Variants in ANK3 observed in about 807,000 individuals in gnomAD.
ANK3 encodes the protein ankyrin-3.
A neutral mutation model predicts 370.9 loss-of-function variants in ANK3; 57 were observed. That is an observed-to-expected ratio of 0.15 (90% CI 0.12 to 0.19). The LOEUF is 0.19. Ranked by LOEUF, ANK3 falls within the 10% of genes least tolerant of loss-of-function variation. The pLI, the probability that ANK3 is intolerant of heterozygous loss-of-function variation, is 1.00. For missense variants in ANK3, 4,439 were observed against 5,302.1 expected (o/e 0.84, Z 5.06); for synonymous variants, 1,929 against 1,946.3 (o/e 0.99, Z 0.23).
upstream of ANK3, among the ~76,000 whole-genome samples, chr10:60,394,349 T>C (rs2063171838): frequency 6.6e-6 from 1 of 151,290 alleles, no homozygotes; most frequent in Admixed American, 6.6e-5. Flanking sequence ...TAAAAAACTG[T>C]GACTGGATAG....
At chr10:60,211,859 A>G (rs1400035835) in intron 9 of ANK3, among the ~76,000 whole-genome samples, 1 of 140,118 alleles carries the variant, frequency 7.1e-6, no homozygotes, top group Non-Finnish European at 1.5e-5. Context: ...AGGTACAGCC[A>G]TTGTGGGAAG....
chr10:60,545,745 G>A (rs1402175566), intron 2 of ANK3, among the ~76,000 whole-genome samples: 1 of 152,054 alleles, frequency 6.6e-6, no homozygotes, highest in Non-Finnish European at 1.5e-5. Context: ...ATTAAAATCT[G>A]GTTATATGAT....
At chr10:60,335,581 T>C (rs1193951318) in intron 1 of ANK3, among the ~76,000 whole-genome samples, 1 of 152,100 alleles carries the variant, frequency 6.6e-6, no homozygotes, top group Non-Finnish European at 1.5e-5. Context: ...CATCAAACTA[T>C]ATAAACACAG....
chr10:60,161,600 A>T (rs879327191), intron 23 of ANK3, among the ~76,000 whole-genome samples: 4 of 152,152 alleles, frequency 2.6e-5, no homozygotes, highest in Non-Finnish European at 5.9e-5. Flanking sequence ...ACATGGATGG[A>T]ATTGGAGACA....
rs772807894 is a variant in ANK3 at position 60,070,171 on chromosome 10, C to T, written c.10710G>A (p.Ala3570=). ...TTGTTGCTGGAGAGCGGTCTTCTAC[C>T]GCCAGCCCAAATGGCTTAGTTTCAT... is the stretch of plus-strand genomic sequence containing the variant. ...REDETKPFGL[A]VEDRSPATTP... is the part of the protein sequence containing the mutation. Residue 3570 remains alanine, a synonymous_variant, in exon 37 of 44, where the codon GCG becomes GCA. Coordinates refer to ENST00000280772, the MANE Select transcript of ANK3 (RefSeq NM_020987.5). This position sits in a 1 kb window ranked among gnomAD's most constrained non-coding sequence, Gnocchi z 5.7. The T allele has an allele frequency of 2.7e-5, 44 of 1,613,978 alleles. No homozygotes were observed. Among genetic ancestry groups the T allele is most frequent in the Middle Eastern group, 3.3e-4 (2 of 6,082 alleles).
intron 1 of ANK3, among the ~76,000 whole-genome samples, chr10:60,338,313 A>T (rs1253516899): frequency 6.6e-6 from 1 of 152,202 alleles, no homozygotes; most frequent in Non-Finnish European, 1.5e-5. Context: ...CATTTGCATC[A>T]GAATTACCTG....
At chr10:60,684,541 T>C in intron 1 of ANK3, 4 of 1,577,724 alleles carry the variant, frequency 2.5e-6, no homozygotes, top group Non-Finnish European at 3.5e-6. Flanking sequence ...TTCTATCCTG[T>C]CCAGTCTGCC....
chr10:60,231,431 C>G (rs967066138), intron 8 of ANK3, among the ~76,000 whole-genome samples: 2 of 152,098 alleles, frequency 1.3e-5, no homozygotes. Context: ...AAGTGTGTAC[C>G]AGATCAGATT....
At chr10:60,420,240 T>C (rs1227902078) in intron 2 of ANK3, among the ~76,000 whole-genome samples, 1 of 152,108 alleles carries the variant, frequency 6.6e-6, no homozygotes, top group Non-Finnish European at 1.5e-5. Context: ...ACCCAATTTA[T>C]TAAATGTCCA....
At chr10:60,537,001 A>C (rs1595230211) in intron 2 of ANK3, among the ~76,000 whole-genome samples, 1 of 152,040 alleles carries the variant, frequency 6.6e-6, no homozygotes, top group East Asian at 1.9e-4. Flanking sequence ...GCATTAACCT[A>C]AATGTCTGAC....
intron 43 of ANK3, among the ~76,000 whole-genome samples, chr10:60,040,144 G>C (rs1016502966): frequency 3.3e-5 from 5 of 152,162 alleles, no homozygotes; most frequent in African/African-American, 1.2e-4. Flanking sequence ...TTTAAAAATA[G>C]GATGGCTATG....
chr10:60,071,333 G>C lies in ANK3; in HGVS notation c.9548C>G (p.Ser3183Cys). The C allele has an allele frequency of 6.2e-7, 1 of 1,614,080 alleles. No homozygotes were observed. The highest frequency in any genetic ancestry group is 1.1e-5 in the South Asian group (1 of 91,076). Reference sequence around the variant, plus strand: ...AGCTATGAGCGAGTCAGGTGTCTTAGATGTAAATTCATAACTCACTTCCTC... The same window carrying C: ...AGCTATGAGCGAGTCAGGTGTCTTACATGTAAATTCATAACTCACTTCCTC... ...SSEEVSYEFT[S>C]KTPDSLIAYI... Residue 3183 changes from serine to cysteine, a missense_variant, in exon 37 of 44, where the codon TCT becomes TGT. Ser to Cys is a moderately radical substitution (Grantham distance 112). Coordinates refer to ENST00000280772, the MANE Select transcript of ANK3 (RefSeq NM_020987.5).
At chr10:60,522,676 T>C (rs1272258330) in intron 2 of ANK3, among the ~76,000 whole-genome samples, 1 of 152,044 alleles carries the variant, frequency 6.6e-6, no homozygotes, top group African/African-American at 2.4e-5. Context: ...TCCTATCCTC[T>C]CCTAAATGGA....
chr10:60,665,915 T>C (rs2078989861), intron 1 of ANK3, among the ~76,000 whole-genome samples: 1 of 152,168 alleles, frequency 6.6e-6, no homozygotes, highest in South Asian at 2.1e-4. Flanking sequence ...AATTAACAAG[T>C]GTTGGTAAAG....
At chr10:60,723,377 T>A (rs2079892613) in intron 1 of ANK3, among the ~76,000 whole-genome samples, 1 of 152,256 alleles carries the variant, frequency 6.6e-6, no homozygotes, top group African/African-American at 2.4e-5. Flanking sequence ...AACATTTCAT[T>A]GATATTTATA....
chr10:60,096,455 T>C (rs925741944), intron 28 of ANK3, among the ~76,000 whole-genome samples: 9 of 152,202 alleles, frequency 5.9e-5, no homozygotes, highest in African/African-American at 1.9e-4. Context: ...CACTATCACA[T>C]TCACATCTGC....
intron 9 of ANK3, among the ~76,000 whole-genome samples, chr10:60,209,141 G>C (rs1350063819): frequency 6.6e-6 from 1 of 152,290 alleles, no homozygotes; most frequent in Non-Finnish European, 1.5e-5. Flanking sequence ...ATGGCGAAGT[G>C]GGGGAGCCTG....
upstream of ANK3, among the ~76,000 whole-genome samples, chr10:60,390,747 C>A (rs2063028971): frequency 1.1e-5 from 1 of 94,478 alleles, no homozygotes; most frequent in African/African-American, 3.6e-5. Context: ...CACACACACA[C>A]ACACACACAC....
chr10:60,522,486 G>T (rs2076371411), intron 2 of ANK3, among the ~76,000 whole-genome samples: 1 of 150,956 alleles, frequency 6.6e-6, no homozygotes, highest in African/African-American at 2.4e-5. Flanking sequence ...CACAATTGTT[G>T]CTTGTATAAA....
Sources: gnomAD v4.1 joint callset for allele counts (sites outside exome capture counted in the v4.1 genomes callset) on GRCh38, gnomAD v4.1.1 for gene constraint, Gnocchi (gnomAD v3.1) non-coding constraint, MANE v1.5 for transcripts, NCBI Gene and HGNC (gene_info 2026-07-23, HGNC 2026-07-21) for gene names.